RNF150: variants seen among roughly 807,000 people sequenced by gnomAD.
RNF150 encodes ring finger protein 150.
RNF150 carries 24 observed loss-of-function variants against 39.3 expected under a neutral mutation model. That is an observed-to-expected ratio of 0.61 (90% CI 0.44 to 0.86). The LOEUF is 0.86. RNF150 is among the 40% of genes least tolerant of loss of function. The pLI is 0.00. For missense variants in RNF150, 502 were observed against 587.8 expected, an observed-to-expected ratio of 0.85 and a Z score of 1.51; for synonymous variants, 255 against 227.3, an observed-to-expected ratio of 1.12 and a Z score of -1.10.
intron 1 of RNF150, among the ~76,000 whole-genome samples, chr4:141,043,171 T>C (rs569112415): frequency 1.7e-4 from 26 of 152,216 alleles, no homozygotes; most frequent in East Asian, 3.9e-4. Flanking sequence ...ATTTGACCCA[T>C]TGGAAAGAGA....
upstream of RNF150, among the ~76,000 whole-genome samples, chr4:141,133,954 C>G (rs1726979369): frequency 6.6e-6 from 1 of 152,184 alleles, no homozygotes; most frequent in Non-Finnish European, 1.5e-5. Context: ...GCATTTCTAA[C>G]AAGTTCCCAG....
chr4:140,913,144 C>A, intron 5 of RNF150, among the ~76,000 whole-genome samples: 1 of 152,038 alleles, frequency 6.6e-6, no homozygotes, highest in Non-Finnish European at 1.5e-5. Context: ...ACCTGTAGTC[C>A]CAGCTACTGG....
At chr4:140,986,397 T>C (rs1734017152) in intron 1 of RNF150, among the ~76,000 whole-genome samples, 1 of 152,076 alleles carries the variant, frequency 6.6e-6, no homozygotes, top group Non-Finnish European at 1.5e-5. Flanking sequence ...TTGTTCTTTC[T>C]GAAAGAAAAG....
chr4:141,182,277 G>C (rs962509991), intron 1 of RNF150, among the ~76,000 whole-genome samples: 18 of 103,592 alleles, frequency 1.7e-4, no homozygotes, highest in Non-Finnish European at 2.7e-4. Context: ...CACAAGACAG[G>C]GATGCCCTCT....
intron 4 of RNF150, among the ~76,000 whole-genome samples, chr4:140,931,209 G>T (rs761163947): frequency 1.3e-5 from 2 of 152,036 alleles, no homozygotes; most frequent in Non-Finnish European, 2.9e-5. Flanking sequence ...TTATTTTAAA[G>T]ATATTATGTG....
chr4:140,989,656 T>A (rs1267047149), intron 1 of RNF150, among the ~76,000 whole-genome samples: 1 of 152,100 alleles, frequency 6.6e-6, no homozygotes, highest in Non-Finnish European at 1.5e-5. Flanking sequence ...TTCATATCAA[T>A]AATTCTAATC....
chr4:141,013,106 T>G (rs1053411389), intron 1 of RNF150, among the ~76,000 whole-genome samples: 1 of 152,192 alleles, frequency 6.6e-6, no homozygotes, highest in Non-Finnish European at 1.5e-5. Context: ...TACTAAAGCA[T>G]GTTTTTTACA....
At chr4:141,117,136 A>G (rs1037578598) in intron 1 of RNF150, among the ~76,000 whole-genome samples, 1 of 152,202 alleles carries the variant, frequency 6.6e-6, no homozygotes, top group Non-Finnish European at 1.5e-5. Flanking sequence ...CCCAGAACTT[A>G]AAGTATAATA....
At position 140,949,483 on chromosome 4, in the gene RNF150, T is replaced by C. The variant is rs1732458330; in HGVS notation, c.736-111A>G. On this transcript the variant is annotated intron_variant, in intron 2 of 6. Coordinates refer to ENST00000515673, the MANE Select transcript of RNF150 (RefSeq NM_020724.2). ...TAGCTCTGAAATCATGCACATGTGG[T>C]ATGAATGCTAGCAATGACGACTAGA... 8 of 867,426 alleles carry C rather than the reference T, an allele frequency of 9.2e-6. No homozygotes were observed. The Admixed American group carries it at 1.3e-4, about 15-fold the overall frequency. 53.7% of individuals were successfully genotyped at this position (867,426 alleles called of 1,614,324 possible).
intron 1 of RNF150, among the ~76,000 whole-genome samples, chr4:141,114,586 C>T (rs189761656): frequency 9.9e-5 from 15 of 152,156 alleles, no homozygotes; most frequent in South Asian, 6.2e-4. Flanking sequence ...TACCAAGAGC[C>T]GGTACCATTC....
chr4:141,003,566 TAC>T (rs70946725), intron 1 of RNF150, among the ~76,000 whole-genome samples: 16,343 of 142,272 alleles, frequency 0.11, 908 homozygotes, highest in African/African-American at 0.13. Context: ...CCCTAGCACG[TAC>T]ACACACACAC....
chr4:141,178,478 T>C (rs1169412856), intron 1 of RNF150, among the ~76,000 whole-genome samples: 1 of 152,170 alleles, frequency 6.6e-6, no homozygotes, highest in Non-Finnish European at 1.5e-5. Context: ...TTTTCTTTAT[T>C]TTTTTCCATG....
chr4:141,106,810 T>C lies in RNF150; in HGVS notation c.484+25515A>G, dbSNP rs184425503. On this transcript the variant is annotated intron_variant, in intron 1 of 6. Coordinates refer to ENST00000515673, the MANE Select transcript of RNF150 (RefSeq NM_020724.2). The stretch of plus-strand genomic sequence containing the variant: ...ATTCCATCTCAAAAAAAATAATATA[T>C]ATATATTATTCCATCTACAATATTC... Among the ~76,000 whole-genome samples, 10 of 151,944 alleles carry C rather than the reference T, an allele frequency of 6.6e-5. No individual in the cohort carries two copies. The East Asian group carries it at 1.6e-3, about 24-fold the overall frequency.
At chr4:140,937,490 A>G (rs2111349259) in intron 4 of RNF150, among the ~76,000 whole-genome samples, 1 of 152,262 alleles carries the variant, frequency 6.6e-6, no homozygotes, top group African/African-American at 2.4e-5. Context: ...CGAAATCCTG[A>G]CCTTAAGTGA....
chr4:141,116,923 T>C (rs1739566899), intron 1 of RNF150, among the ~76,000 whole-genome samples: 1 of 150,594 alleles, frequency 6.6e-6, no homozygotes, highest in South Asian at 2.1e-4. Context: ...TTCTTACTCA[T>C]AAGTGGGAGC....
chr4:141,188,483 C>T (rs1055564627), intron 1 of RNF150, among the ~76,000 whole-genome samples: 2 of 152,160 alleles, frequency 1.3e-5, no homozygotes, highest in Non-Finnish European at 2.9e-5. Context: ...TTCAGGTACA[C>T]CAACCAATCG....
intron 5 of RNF150, among the ~76,000 whole-genome samples, chr4:140,916,969 A>G (rs1003464086): frequency 1.7e-3 from 254 of 152,324 alleles, no homozygotes; most frequent in Middle Eastern, 0.01. Flanking sequence ...GAGAAATAAA[A>G]TCCTTTACAG....
At chr4:140,889,888 C>T (rs12649599) in intron 6 of RNF150, among the ~76,000 whole-genome samples, 20,144 of 152,100 alleles carry the variant, frequency 0.13, 1,630 homozygotes, top group East Asian at 0.38. Flanking sequence ...GCCTGCATTG[C>T]CCCAAGATTC....
At chr4:141,123,912 T>C (rs1726683166) in intron 1 of RNF150, among the ~76,000 whole-genome samples, 1 of 152,220 alleles carries the variant, frequency 6.6e-6, no homozygotes, top group South Asian at 2.1e-4. Flanking sequence ...TAGTATTCCA[T>C]GGTGTGTATG....
Sources: allele counts gnomAD v4.1 joint callset (sites outside exome capture counted in the v4.1 genomes callset), GRCh38; gene constraint gnomAD v4.1.1; transcripts MANE v1.5; gene names NCBI Gene and HGNC (gene_info 2026-07-23, HGNC 2026-07-21).